Variants in SNRPN observed in about 807,000 individuals in gnomAD.
The protein encoded by SNRPN is small nuclear ribonucleoprotein-associated protein N.
In SNRPN, 7 loss-of-function variants were observed where a neutral mutation model predicts 25.2. That is an observed-to-expected ratio of 0.28 (90% confidence interval 0.16 to 0.52). The LOEUF is 0.52. Among genes scored for constraint, SNRPN ranks in the 20% least tolerant of loss-of-function variants. SNRPN has a pLI of 0.96. For synonymous variants in SNRPN, 124 were observed against 110.6 expected (o/e 1.12, Z -0.76); for missense variants, 196 against 322.5 (o/e 0.61, Z 3.00).
chr15:24,948,849 A>G (rs989366777), intron 3 of SNRPN, among the ~76,000 whole-genome samples: 3 of 151,836 alleles, frequency 2.0e-5, no homozygotes, highest in African/African-American at 4.8e-5. Context: ...CAACCATCCT[A>G]TGGTTGGAAA....
At chr15:24,971,363 T>C (rs2076377678) in intron 3 of SNRPN, among the ~76,000 whole-genome samples, 1 of 152,162 alleles carries the variant, frequency 6.6e-6, no homozygotes, top group Admixed American at 6.6e-5. Flanking sequence ...ATTTATTTTC[T>C]TCTTTCACTT....
intron 1 of SNRPN, among the ~76,000 whole-genome samples, chr15:24,865,188 G>A (rs1476754247): frequency 1.2e-4 from 18 of 151,642 alleles, no homozygotes; most frequent in African/African-American, 2.9e-4. Context: ...CTGGGATTAC[G>A]GGCACCTGCC....
In SNRPN at chr15:24,938,225, C is replaced by T. The variant is rs1359822991; in HGVS notation, c.-391+18101C>T. Among the ~76,000 whole-genome samples, 4 of 151,046 alleles carry T rather than the reference C, an allele frequency of 2.6e-5. No individual in the cohort carries two copies. In the Admixed American group the frequency reaches 2.7e-4, roughly 10 times the overall value. On this transcript the variant is annotated intron_variant, in intron 3 of 11. Coordinates refer to the SNRPN transcript ENST00000400097. ...CCACCTCCCAGGTTCAAGCGATTTT[C>T]GCTTGATTCTCCTGCCTCAGCCTCT...
chr15:24,938,137 G>C (rs1293866043), intron 3 of SNRPN, among the ~76,000 whole-genome samples: 1 of 147,302 alleles, frequency 6.8e-6, no homozygotes, highest in Non-Finnish European at 1.5e-5. Flanking sequence ...TTGAGCTGGA[G>C]CCTTGCTCTT....
intron 2 of SNRPN, among the ~76,000 whole-genome samples, chr15:24,839,269 C>G (rs2051470975): frequency 1.3e-5 from 2 of 151,910 alleles, no homozygotes. Context: ...CATACAAAGC[C>G]CATCATATTC....
chr15:24,930,588 T>G (rs377264185), intron 3 of SNRPN, among the ~76,000 whole-genome samples: 1 of 18,700 alleles, frequency 5.3e-5, no homozygotes, highest in Non-Finnish European at 1.5e-4. Flanking sequence ...TCTACAAAAA[T>G]ACAAAAAAAA....
chr15:24,945,845 T>C (rs2061851069), intron 3 of SNRPN, among the ~76,000 whole-genome samples: 1 of 152,178 alleles, frequency 6.6e-6, no homozygotes, highest in East Asian at 1.9e-4. Context: ...TCAGCAAAGA[T>C]TTCTCTCTCC....
At chr15:24,850,004 C>G (rs1269129511) in intron 2 of SNRPN, 2 of 152,270 alleles carry the variant, frequency 1.3e-5, no homozygotes, top group South Asian at 2.1e-4. Context: ...GATTCAGAGT[C>G]ATCGATGTCT....
intron 2 of SNRPN, among the ~76,000 whole-genome samples, chr15:24,889,398 GT>G (rs1281301383): frequency 6.6e-6 from 1 of 151,950 alleles, no homozygotes; most frequent in African/African-American, 2.4e-5. Context: ...CGCCTCCCGG[GT>G]TCAGGCCATT....
chr15:24,905,235 G>C (rs1417152997), intron 2 of SNRPN, among the ~76,000 whole-genome samples: 1 of 152,106 alleles, frequency 6.6e-6, no homozygotes, highest in South Asian at 2.1e-4. Context: ...GGAGGACCGG[G>C]TGCGGTGGCT....
chr15:24,899,684 A>G (rs979857402), intron 2 of SNRPN, among the ~76,000 whole-genome samples: 2 of 152,176 alleles, frequency 1.3e-5, no homozygotes, highest in Admixed American at 1.3e-4. Flanking sequence ...TTCCAATAAT[A>G]TACCTACCTG....
intron 1 of SNRPN, among the ~76,000 whole-genome samples, chr15:24,881,598 AGAGAGAGAGAGAGAGAGAGAG>A (rs1566864499): frequency 0.018 from 1,166 of 65,266 alleles, 10 homozygotes; most frequent in Non-Finnish European, 0.024. Context: ...AGAGAGAGAG[AGAGAGAGAGAGAGAGAGAGAG>A]AAAGTCACAG....
At chr15:24,935,986 A>G (rs973061023) in intron 3 of SNRPN, among the ~76,000 whole-genome samples, 1 of 152,100 alleles carries the variant, frequency 6.6e-6, no homozygotes, top group African/African-American at 2.4e-5. Context: ...ATGGTAGCGC[A>G]TGCCTGAAGT....
intron 1 of SNRPN, among the ~76,000 whole-genome samples, chr15:24,960,537 A>C (rs2074601152): frequency 6.6e-6 from 1 of 152,096 alleles, no homozygotes. Flanking sequence ...GATGTTGCCC[A>C]AGCTGGTCTC....
chr15:24,859,677 A>C (rs958697491), intron 1 of SNRPN, among the ~76,000 whole-genome samples: 8 of 152,214 alleles, frequency 5.3e-5, no homozygotes, highest in African/African-American at 1.9e-4. Flanking sequence ...AAGTGAAAGC[A>C]AGCTTACTAA....
intron 3 of SNRPN, among the ~76,000 whole-genome samples, chr15:24,936,558 TTGGC>T (rs2061248381): frequency 6.6e-6 from 1 of 152,170 alleles, no homozygotes; most frequent in African/African-American, 2.4e-5. Flanking sequence ...AGAGGTTTAA[TTGGC>T]TAATGGTTCT....
At chr15:24,914,461 G>A (rs981406410) in intron 2 of SNRPN, among the ~76,000 whole-genome samples, 2 of 152,184 alleles carry the variant, frequency 1.3e-5, no homozygotes, top group African/African-American at 2.4e-5. Context: ...TTGGGAGGCT[G>A]AGGCAAGGGG....
chr15:24,961,607 A>G (rs548447552), intron 1 of SNRPN, among the ~76,000 whole-genome samples: 21 of 152,202 alleles, frequency 1.4e-4, no homozygotes, highest in African/African-American at 4.8e-4. Flanking sequence ...CAGCTCTTCT[A>G]TTGCTTTGCA....
intron 2 of SNRPN, among the ~76,000 whole-genome samples, chr15:24,907,511 T>C (rs1055692721): frequency 6.6e-6 from 1 of 151,742 alleles, no homozygotes; most frequent in South Asian, 2.1e-4. Context: ...GGCAGGAGAA[T>C]GGCATGAACC....
Sources: allele counts gnomAD v4.1 joint callset (sites outside exome capture counted in the v4.1 genomes callset), GRCh38; gene constraint gnomAD v4.1.1; transcripts MANE v1.5; gene names NCBI Gene and HGNC (gene_info 2026-07-23, HGNC 2026-07-21).